The following OPHN1 variants were observed in gnomAD, a reference collection of about 807,000 sequenced individuals.
OPHN1 encodes the protein oligophrenin-1.
Under a neutral mutation model 60.7 loss-of-function variants are expected in OPHN1, and 11 were observed. The ratio of observed to expected loss-of-function variants is 0.18; its 90% CI spans 0.11 to 0.30. OPHN1 has a LOEUF of 0.30. OPHN1 is among the 10% of genes least tolerant of loss of function. The pLI, the probability that OPHN1 is intolerant of heterozygous loss-of-function variation, is 1.00. For synonymous variants in OPHN1, 226 were observed against 222.6 expected (o/e 1.02, Z -0.14); for missense variants, 449 against 611.0 (o/e 0.73, Z 2.80).
chrX:68,315,270 AAG>A (rs1368820616), intron 2 of OPHN1, among the ~76,000 whole-genome samples: 1 of 106,563 alleles, frequency 9.4e-6, no homozygotes, highest in Non-Finnish European at 1.9e-5. Context: ...GAAAGAAAGA[AAG>A]AGGGGGGAGA....
At chrX:68,278,711 C>T (rs1344703810) in intron 4 of OPHN1, among the ~76,000 whole-genome samples, 1 of 112,195 alleles carries the variant, frequency 8.9e-6, no homozygotes, top group Non-Finnish European at 1.9e-5. Context: ...CATGGCAAAA[C>T]CCCATCTCTA....
chrX:68,065,492 G>A (rs1296025943), intron 20 of OPHN1, among the ~76,000 whole-genome samples: 1 of 111,601 alleles, frequency 9.0e-6, no homozygotes, highest in African/African-American at 3.3e-5. Flanking sequence ...GAAATGTGGG[G>A]AGTTCAATAC....
intron 20 of OPHN1, chrX:68,071,618 G>A: frequency 3.5e-6 from 2 of 567,368 alleles, no homozygotes; most frequent in Middle Eastern, 7.0e-4. Flanking sequence ...CATTGTCCAA[G>A]CAGAATTTGA....
At chrX:68,354,083 AAG>A (rs2078427145) in intron 2 of OPHN1, among the ~76,000 whole-genome samples, 1 of 111,775 alleles carries the variant, frequency 8.9e-6, no homozygotes, top group African/African-American at 3.3e-5. Flanking sequence ...AGTTTAATAA[AAG>A]AGCATTAAAA....
intron 11 of OPHN1, among the ~76,000 whole-genome samples, chrX:68,199,299 G>A (rs1379966342): frequency 9.1e-6 from 1 of 110,067 alleles, no homozygotes; most frequent in Non-Finnish European, 1.9e-5. Context: ...GCCAGGAGTT[G>A]AAGACCAGCC....
chrX:68,123,268 C>T (rs2077157194), intron 15 of OPHN1, among the ~76,000 whole-genome samples: 2 of 111,151 alleles, frequency 1.8e-5, no homozygotes, highest in Admixed American at 1.9e-4. Context: ...AAAGACTTTC[C>T]AAGACAAACA....
intron 2 of OPHN1, among the ~76,000 whole-genome samples, chrX:68,379,438 T>C: frequency 9.4e-6 from 1 of 106,713 alleles, no homozygotes; most frequent in Non-Finnish European, 1.9e-5. Flanking sequence ...TCCTGCCTAA[T>C]TGCCCTGGCC....
chrX:68,234,898 A>T (rs1421622904), intron 5 of OPHN1, among the ~76,000 whole-genome samples: 1 of 112,293 alleles, frequency 8.9e-6, no homozygotes, highest in African/African-American at 3.2e-5. Flanking sequence ...TCTTCCCTCC[A>T]ATATTTTTCA....
chrX:68,197,705 T>C (rs1012621823), intron 11 of OPHN1, among the ~76,000 whole-genome samples: 1 of 111,249 alleles, frequency 9.0e-6, no homozygotes, highest in Admixed American at 9.6e-5. Flanking sequence ...ACCTGCGATG[T>C]CCAAGAAACA....
At position 68,186,083 on chromosome X, in the gene OPHN1, C is replaced by T. The variant is rs184309830; in HGVS notation, c.1276+6836G>A. ...CTGCCAGTGAGGATCAACAGAATCC[C>T]AAATCTGGGATATTCCAGAGTTTAT... On this transcript the variant is annotated intron_variant, in intron 15 of 24. Coordinates refer to ENST00000355520, the MANE Select transcript of OPHN1 (RefSeq NM_002547.3). Among the ~76,000 whole-genome samples the T allele has an allele frequency of 1.2e-3, 136 of 110,728 alleles. 1 individual carries two copies. The highest frequency in any genetic ancestry group is 4.4e-3 in the African/African-American group (133 of 30,414).
chrX:68,407,336 T>C (rs772309757), intron 2 of OPHN1, among the ~76,000 whole-genome samples: 8 of 112,568 alleles, frequency 7.1e-5, no homozygotes, highest in African/African-American at 2.6e-4. Context: ...CTCAATTTGC[T>C]CATATGGTAA....
intron 11 of OPHN1, among the ~76,000 whole-genome samples, chrX:68,198,755 A>G (rs56208550): frequency 0.11 from 12,301 of 111,182 alleles, 1,710 homozygotes; most frequent in African/African-American, 0.39. Context: ...TCTAGACCTC[A>G]GTTTCTTTAT....
intron 15 of OPHN1, among the ~76,000 whole-genome samples, chrX:68,134,206 CA>C (rs77116807): frequency 5.7e-4 from 61 of 106,284 alleles, no homozygotes; most frequent in African/African-American, 1.6e-3. Context: ...AAACAAAAAA[CA>C]AAAAAAAAAT....
In OPHN1 at chrX:68,045,372, A is replaced by T. The variant is rs1226377982; in HGVS notation, c.*1800T>A. On this transcript the variant is annotated 3_prime_UTR_variant, in exon 25 of 25. Transcript: ENST00000355520. ...AACCATGTTTGGAATTCAGTCTTGA[A>T]AATGACTACTGCCTTTCAGTAGCAC... is the stretch of plus-strand genomic sequence containing the variant. 1 of 112,559 alleles carries T rather than the reference A, an allele frequency of 8.9e-6. No individual in the cohort carries two copies. The highest frequency in any genetic ancestry group is 1.9e-5 in the Non-Finnish European group (1 of 53,325). The allele number at this position is 112,559 out of a possible 1,213,427, so 9.3% of individuals were successfully genotyped here. A position where few individuals can be genotyped will look rare whatever the true frequency, so the allele number is the denominator to read the frequency against.
chrX:68,101,865 C>T (rs1325156602), intron 18 of OPHN1, among the ~76,000 whole-genome samples: 1 of 112,298 alleles, frequency 8.9e-6, no homozygotes, highest in African/African-American at 3.2e-5. Context: ...TACAACATCA[C>T]ATGTGATTTG....
chrX:68,058,643 C>T (rs1252549987), intron 21 of OPHN1, among the ~76,000 whole-genome samples: 2 of 111,815 alleles, frequency 1.8e-5, no homozygotes, highest in African/African-American at 6.5e-5. Context: ...GTAGACACCC[C>T]ATCTTCCATG....
intron 2 of OPHN1, among the ~76,000 whole-genome samples, chrX:68,328,253 A>C (rs1465537928): frequency 9.7e-6 from 1 of 103,034 alleles, no homozygotes; most frequent in Non-Finnish European, 2.0e-5. Context: ...CTCAGCCTCC[A>C]GAGTAGCTGG....
intron 5 of OPHN1, 61 bp downstream of exon 5, chrX:68,274,672 AATAGT>A: frequency 1.3e-6 from 1 of 764,047 alleles, no homozygotes; most frequent in Non-Finnish European, 2.0e-6. Context: ...TAAAGTGAAG[AATAGT>A]AGCCCATACA....
chrX:68,363,527 G>A (rs1042467684), intron 2 of OPHN1, among the ~76,000 whole-genome samples: 6 of 110,219 alleles, frequency 5.4e-5, no homozygotes, highest in African/African-American at 2.0e-4. Flanking sequence ...GGCCAGGCTG[G>A]TCTCAAACTC....
Sources: gnomAD v4.1 joint callset for allele counts (sites outside exome capture counted in the v4.1 genomes callset) on GRCh38, gnomAD v4.1.1 for gene constraint, MANE v1.5 for transcripts, NCBI Gene and HGNC (gene_info 2026-07-23, HGNC 2026-07-21) for gene names.